MROH2B: variants seen among roughly 807,000 people sequenced by gnomAD.
The protein encoded by MROH2B is maestro heat-like repeat-containing protein family member 2B.
MROH2B carries 177 observed loss-of-function variants against 208.6 expected under a neutral mutation model. The observed-to-expected ratio is 0.85, with a 90% CI of 0.75 to 0.96. MROH2B has a LOEUF of 0.96. Ranked by LOEUF, MROH2B falls within the 40% of genes least tolerant of loss-of-function variation. The pLI is 0.00. For synonymous variants in MROH2B, 728 were observed against 659.0 expected (o/e 1.10, Z -1.60); for missense variants, 2,002 against 1,878.7 (o/e 1.07, Z -1.21).
chr5:41,062,552 AT>A (rs1406820423), intron 5 of MROH2B, among the ~76,000 whole-genome samples: 1 of 152,214 alleles, frequency 6.6e-6, no homozygotes, highest in Non-Finnish European at 1.5e-5. Flanking sequence ...CCAAAATACC[AT>A]TTGGGCCACG....
At chr5:41,014,424 C>A (rs1410505286) in intron 29 of MROH2B, among the ~76,000 whole-genome samples, 1 of 152,072 alleles carries the variant, frequency 6.6e-6, no homozygotes, top group Non-Finnish European at 1.5e-5. Flanking sequence ...ACATCACACA[C>A]CAGGGCCTGT....
intron 24 of MROH2B, among the ~76,000 whole-genome samples, chr5:41,027,197 T>C (rs1742395820): frequency 6.6e-6 from 1 of 152,096 alleles, no homozygotes; most frequent in African/African-American, 2.4e-5. Flanking sequence ...TGGGATCTAG[T>C]TAAACTAAAG....
chr5:41,006,041 AAAAAAGAAAAAAG>A (rs1741579033), intron 34 of MROH2B, among the ~76,000 whole-genome samples: 1 of 151,128 alleles, frequency 6.6e-6, no homozygotes, highest in Admixed American at 6.6e-5. Flanking sequence ...CCAAAAAAAA[AAAAAAGAAAAAAG>A]AAAAAAGAAA....
At chr5:41,040,894 T>A (rs769812640) in intron 19 of MROH2B, among the ~76,000 whole-genome samples, 2 of 152,074 alleles carry the variant, frequency 1.3e-5, no homozygotes, top group African/African-American at 4.8e-5. Context: ...CTCGAACTCC[T>A]GACCTCGTGA....
intron 24 of MROH2B, among the ~76,000 whole-genome samples, chr5:41,019,562 G>T (rs1160906550): frequency 1.3e-5 from 2 of 152,064 alleles, no homozygotes; most frequent in Non-Finnish European, 2.9e-5. Context: ...GTTTACTATA[G>T]ACTTCATGAG....
intron 23 of MROH2B, 77 bp downstream of exon 23, chr5:41,032,964 A>T (rs778891743): frequency 3.3e-5 from 52 of 1,584,438 alleles, no homozygotes; most frequent in Non-Finnish European, 4.4e-5. Flanking sequence ...AAGTCTATTC[A>T]CTTTTTAAAA....
At position 41,049,269 on chromosome 5, in the gene MROH2B, A is replaced by C; in HGVS notation, c.1501+11T>G. 1.2e-6 allele frequency: 2 copies of C among 1,612,696 alleles called. No homozygotes were observed. Among genetic ancestry groups the C allele is most frequent in the Non-Finnish European group, 1.7e-6 (2 of 1,179,412 alleles). On this transcript the variant is annotated intron_variant, in intron 14 of 41. Transcript: ENST00000399564. ...ATAGAAAAGCTTTTCTGTGTTTATG[A>C]ATGTACAGACCAGCTCCTGTAGAGA...
chr5:41,031,402 C>T (rs1742564638), intron 24 of MROH2B, among the ~76,000 whole-genome samples: 1 of 152,090 alleles, frequency 6.6e-6, no homozygotes, highest in African/African-American at 2.4e-5. Flanking sequence ...GATTACAGGT[C>T]TCTCCCTCAA....
intron 34 of MROH2B, among the ~76,000 whole-genome samples, chr5:41,006,176 A>G (rs1458802892): frequency 6.6e-6 from 1 of 152,222 alleles, no homozygotes; most frequent in Non-Finnish European, 1.5e-5. Context: ...CAGGCTAAGG[A>G]CATGAATAGA....
chr5:41,046,544 A>G (rs1247682143), intron 17 of MROH2B, among the ~76,000 whole-genome samples: 1 of 152,180 alleles, frequency 6.6e-6, no homozygotes, highest in African/African-American at 2.4e-5. Context: ...AACAAAACCA[A>G]TGAAAGGATG....
At chr5:41,000,943 A>G in intron 37 of MROH2B, 110 bp from the exon 38 acceptor site, 1 of 1,238,008 alleles carries the variant, frequency 8.1e-7, no homozygotes, top group South Asian at 1.6e-5. Context: ...GAAGGCTGGA[A>G]CCCAGGCACT....
At chr5:41,014,015 G>T (rs2876851) in intron 29 of MROH2B, among the ~76,000 whole-genome samples, 27,645 of 152,150 alleles carry the variant, frequency 0.18, 3,185 homozygotes, top group South Asian at 0.32. Context: ...CCTCAGAAAT[G>T]TAAGTCTGGT....
chr5:41,038,900 G>A lies in MROH2B; in HGVS notation c.2062-12C>T. 1 of 1,586,430 alleles carries A rather than the reference G, an allele frequency of 6.3e-7. No individual in the cohort carries two copies. The highest frequency in any genetic ancestry group is 1.4e-5 in the African/African-American group (1 of 73,458). ...CCAGAAAAAAGGCTCTGAAGACCAG[G>A]AAAGGGAGACATGAAAAATGTGACT... On this transcript the variant is annotated splice_polypyrimidine_tract_variant and intron_variant, in intron 20 of 41. Transcript: ENST00000399564.
rs1265851353 is a variant in MROH2B, at chr5:41,045,809, G to T, written c.1773C>A (p.Thr591=). 6.2e-7 allele frequency: 1 copy of T among 1,613,294 alleles called. No individual in the cohort carries two copies. The highest frequency in any genetic ancestry group is 1.3e-5 in the African/African-American group (1 of 74,868). The part of the protein sequence containing the change: ...SLWKISDVAW[T]IQLTQDFKQQ... ...GTTTGAAATCCTGAGTCAGCTGAAT[G>T]GTCCAGGCCACATCACTGATCTTCC... is the stretch of plus-strand genomic sequence containing the variant. Residue 591 remains threonine (T), a synonymous_variant, in exon 18 of 42, where the codon ACC becomes ACA. Coordinates refer to ENST00000399564, the MANE Select transcript of MROH2B (RefSeq NM_173489.5).
chr5:41,010,219 C>T (rs947217974), intron 30 of MROH2B, 140 bp from the exon 31 acceptor site: 1 of 767,296 alleles, frequency 1.3e-6, no homozygotes. Context: ...CACATGTGGC[C>T]TATTTCTCAC....
intron 11 of MROH2B, among the ~76,000 whole-genome samples, chr5:41,053,732 C>T (rs981880443): frequency 8.5e-5 from 13 of 152,064 alleles, no homozygotes; most frequent in Non-Finnish European, 1.6e-4. Flanking sequence ...TCTCGTAATT[C>T]TTGTTTTGTC....
chr5:41,054,832 A>T lies in MROH2B; in HGVS notation c.1042T>A (p.Leu348Met), dbSNP rs325874. 4 of 1,609,342 alleles carry T rather than the reference A, an allele frequency of 2.5e-6. No homozygotes were observed. The highest frequency in any genetic ancestry group is 2.5e-6 in the Non-Finnish European group (3 of 1,177,518). ...TCTATTGAAATGATGTGATCCCTCA[A>T]CCTGGGCTCTGAAAGACAGAGGGAG... is the stretch of plus-strand genomic sequence containing the variant. ...RLAVNADEPRLRDHIISIERT... is the reference protein window; with the variant it reads ...RLAVNADEPRMRDHIISIERT... The change falls in exon 11 of 42, where the codon TTG (leucine) becomes ATG (methionine). Residue 348 changes from leucine to methionine, a missense_variant. Coordinates refer to ENST00000399564, the MANE Select transcript of MROH2B (RefSeq NM_173489.5).
chr5:41,025,583 C>T (rs1742325064), intron 24 of MROH2B, among the ~76,000 whole-genome samples: 1 of 152,154 alleles, frequency 6.6e-6, no homozygotes, highest in East Asian at 1.9e-4. Flanking sequence ...CAGATGGATT[C>T]ACAGCCGAAT....
intron 1 of MROH2B, 55 bp from the exon 2 acceptor site, chr5:41,069,807 A>G: frequency 1.6e-6 from 2 of 1,288,920 alleles, no homozygotes; most frequent in Non-Finnish European, 2.2e-6. Context: ...CCCTCCTGTT[A>G]ATTATTTTGT....
Sources: allele counts gnomAD v4.1 joint callset (sites outside exome capture counted in the v4.1 genomes callset), GRCh38; gene constraint gnomAD v4.1.1; transcripts MANE v1.5; gene names NCBI Gene and HGNC (gene_info 2026-07-23, HGNC 2026-07-21).